DLG4: variants seen among roughly 807,000 people sequenced by gnomAD.
DLG4 encodes the protein disks large homolog 4.
In DLG4, 7 loss-of-function variants were observed where a neutral mutation model predicts 93.8. The ratio of observed to expected loss-of-function variants is 0.07; its 90% CI spans 0.04 to 0.14. The LOEUF (loss-of-function observed/expected upper bound fraction) is 0.14. DLG4 is among the 10% of genes least tolerant of loss of function. The pLI is 1.00. For synonymous variants in DLG4, 341 were observed against 387.6 expected, an observed-to-expected ratio of 0.88 and a Z score of 1.41; for missense variants, 545 against 992.9, an observed-to-expected ratio of 0.55 and a Z score of 6.06.
At position 7,203,340 on chromosome 17, in the gene DLG4, G is replaced by C. The variant is rs2070260618; in HGVS notation, c.506-11C>G. 1.9e-6 allele frequency: 3 copies of C among 1,592,876 alleles called. No homozygotes were observed. ...TGCTGAAGCCAAGACCTGGATGGAG[G>C]GGAGGCCAGAGGTGGGTGCCCAGGA... On this transcript the variant is annotated splice_polypyrimidine_tract_variant and intron_variant, in intron 6 of 19. Coordinates refer to ENST00000399506, the MANE Select transcript of DLG4 (RefSeq NM_001321075.3). This position sits in a 1 kb window ranked among gnomAD's most constrained non-coding sequence, Gnocchi z 7.2.
Position 7,187,560 on chromosome 17 carries a change from A to AATC in DLG4, c.*3147_*3148insGAT, listed in dbSNP as rs1309022226. On this transcript the variant is annotated 3_prime_UTR_variant, in exon 20 of 20. Transcript: ENST00000399506. Reference sequence around the variant, plus strand: ...AAACTCTGTCTCCAATAATAATAATAATAATAATAATAATAATACATGCAA... The same window carrying AATC: ...AAACTCTGTCTCCAATAATAATAATAATCATAATAATAATAATAATACATGCAA... 4.0e-5 allele frequency among the ~76,000 whole-genome samples: 6 copies of AATC among 150,790 alleles called. No individual in the cohort carries two copies. Among genetic ancestry groups the AATC allele is most frequent in the Admixed American group, 6.6e-5 (1 of 15,108 alleles).
chr17:7,219,001 C>T (rs2071064806), upstream of DLG4: 1 of 766,792 alleles, frequency 1.3e-6, no homozygotes, highest in Non-Finnish European at 2.2e-6. Flanking sequence ...GCACCGCCAC[C>T]ATCTTGCTCC....
chr17:7,201,716 A>G (rs894760435), intron 8 of DLG4, among the ~76,000 whole-genome samples: 3 of 152,090 alleles, frequency 2.0e-5, no homozygotes, highest in African/African-American at 7.2e-5. Flanking sequence ...CCCTGTCTCC[A>G]CTAAAACTAC....
chr17:7,194,569 CGGCCCAGAGGTCTGCAGAT>C lies in DLG4; in HGVS notation c.1302-93_1302-75del. ...AGGATGCCCCAGTCACCCAAAGACCCGGCCCAGAGGTCTGCAGATGGCACTCCCATGGGAGCTATGGATG... is the reference window on the plus strand; with the variant it reads ...AGGATGCCCCAGTCACCCAAAGACCCGGCACTCCCATGGGAGCTATGGATG... On this transcript the variant is annotated intron_variant, in intron 11 of 19. Coordinates refer to ENST00000399506, the MANE Select transcript of DLG4 (RefSeq NM_001321075.3). The surrounding 1 kb of genome is among the most constrained non-coding windows in gnomAD (Gnocchi z 4.4). 6.6e-7 allele frequency: 1 copy of C among 1,504,696 alleles called. No individual in the cohort carries two copies. Among genetic ancestry groups the C allele is most frequent in the South Asian group, 1.3e-5 (1 of 79,416 alleles). The allele number at this position is 1,504,696 out of a possible 1,614,324, so 93.2% of individuals were successfully genotyped here.
At chr17:7,209,373 G>A (rs2070620586) in intron 1 of DLG4, among the ~76,000 whole-genome samples, 1 of 152,170 alleles carries the variant, frequency 6.6e-6, no homozygotes, top group Non-Finnish European at 1.5e-5. Context: ...CTCTCCTCTG[G>A]AACGGGCCTC....
At chr17:7,205,109 C>G in intron 2 of DLG4, 1 of 985,542 alleles carries the variant, frequency 1.0e-6, no homozygotes, top group South Asian at 4.7e-5. Flanking sequence ...GGTTTGTGGG[C>G]GCAGCGCATC....
chr17:7,197,740 C>T (rs142980407), intron 8 of DLG4, among the ~76,000 whole-genome samples: 554 of 152,296 alleles, frequency 3.6e-3, no homozygotes, highest in Middle Eastern at 6.8e-3. Flanking sequence ...CCGCTTATGC[C>T]TCCCAAAGTG....
chr17:7,211,882 G>C (rs916843161), intron 1 of DLG4, among the ~76,000 whole-genome samples: 1 of 150,756 alleles, frequency 6.6e-6, no homozygotes, highest in Non-Finnish European at 1.5e-5. Flanking sequence ...TTGGGAGAGA[G>C]GGGTGAGGGG....
In DLG4 at chr17:7,197,067, G is replaced by A. The variant is rs762583460; in HGVS notation, c.788-15C>T. On this transcript the variant is annotated splice_polypyrimidine_tract_variant and intron_variant, in intron 8 of 19. Transcript: ENST00000399506. ...CTGGGAATAAGCTGAGGAAGACAGG[G>A]CAGAGATGAAAGTGCCTGGAGGGAA... is the stretch of plus-strand genomic sequence containing the variant. The A allele has an allele frequency of 5.0e-6, 8 of 1,589,384 alleles. No homozygotes were observed. The East Asian group carries it at 1.4e-4, about 27-fold the overall frequency.
chr17:7,196,570 G>A lies in DLG4; in HGVS notation c.1089C>T (p.Asn363=), dbSNP rs201725000. ...GGCTGGCATTTCGGAGGTCCACACCGTTGACCTAGAGAGAGGACGACAGGC... is the reference window on the plus strand; with the variant it reads ...GGCTGGCATTTCGGAGGTCCACACCATTGACCTAGAGAGAGGACGACAGGC... ...LRKGDQILSV[N]GVDLRNASHE... Residue 363 remains asparagine (N), a synonymous_variant, in exon 10 of 20, where the codon AAC becomes AAT. Coordinates refer to ENST00000399506, the MANE Select transcript of DLG4 (RefSeq NM_001321075.3). The surrounding 1 kb of genome is among the most constrained non-coding windows in gnomAD (Gnocchi z 8.3). The A allele has an allele frequency of 3.1e-5, 50 of 1,614,002 alleles. No homozygotes were observed. Among genetic ancestry groups the A allele is most frequent in the Middle Eastern group, 1.6e-4 (1 of 6,062 alleles).
chr17:7,188,030 A>G lies in DLG4; in HGVS notation c.*2678T>C, dbSNP rs1448885723. On this transcript the variant is annotated 3_prime_UTR_variant, in exon 20 of 20. Transcript: ENST00000399506. ...GGTTGCAGTGAGCCGAGATCGCGCC[A>G]TTGCACTCCAGCTTGGGCAACAAAA... Among the ~76,000 whole-genome samples, 2 of 150,360 alleles carry G rather than the reference A, an allele frequency of 1.3e-5. No individual in the cohort carries two copies. The highest frequency in any genetic ancestry group is 2.9e-5 in the Non-Finnish European group (2 of 67,838).
chr17:7,217,693 G>A (rs1273091722), upstream of DLG4: 1 of 1,530,586 alleles, frequency 6.5e-7, no homozygotes, highest in Non-Finnish European at 8.7e-7. Context: ...CCTTGGCAGA[G>A]TTAACTCCTT....
At position 7,196,648 on chromosome 17, in the gene DLG4, T is replaced by TGGTC; in HGVS notation, c.1084-77_1084-74dup. 5.6e-6 allele frequency: 9 copies of TGGTC among 1,595,486 alleles called. No homozygotes were observed. Among genetic ancestry groups the TGGTC allele is most frequent in the Non-Finnish European group, 7.7e-6 (9 of 1,168,446 alleles). On this transcript the variant is annotated intron_variant, in intron 9 of 19. Transcript: ENST00000399506. This position sits in a 1 kb window ranked among gnomAD's most constrained non-coding sequence, Gnocchi z 8.3. ...TTCTGGGTCCAGGTGGAGCAGGGAGTGGTCCCGCAAGAGGACTCGGCTGCA... is the reference window on the plus strand; with the variant it reads ...TTCTGGGTCCAGGTGGAGCAGGGAGTGGTCGGTCCCGCAAGAGGACTCGGCTGCA...
intron 1 of DLG4, among the ~76,000 whole-genome samples, chr17:7,210,267 T>C (rs1476961142): frequency 2.6e-5 from 4 of 152,114 alleles, no homozygotes; most frequent in African/African-American, 9.7e-5. Flanking sequence ...AGTAAGAGAA[T>C]GGGAGAAGGG....
chr17:7,210,296 G>A (rs1022232580), intron 1 of DLG4, among the ~76,000 whole-genome samples: 4 of 152,148 alleles, frequency 2.6e-5, no homozygotes, highest in Non-Finnish European at 5.9e-5. Flanking sequence ...CTGTCAGCAC[G>A]AAAACTCTCA....
Position 7,194,377 on chromosome 17 carries a change from G to A in DLG4, c.1420C>T (p.Arg474Trp). The A allele has an allele frequency of 1.2e-6, 2 of 1,612,694 alleles. No individual in the cohort carries two copies. Among genetic ancestry groups the A allele is most frequent in the Non-Finnish European group, 8.5e-7 (1 of 1,179,426 alleles). The change falls in exon 12 of 20, where the codon CGG becomes TGG. Residue 474 changes from arginine to tryptophan, a missense_variant. Coordinates refer to ENST00000399506, the MANE Select transcript of DLG4 (RefSeq NM_001321075.3). This position sits in a 1 kb window ranked among gnomAD's most constrained non-coding sequence, Gnocchi z 4.4. Reference protein sequence around the residue: ...DASDEEWWQARRVHSDSETDD... With the variant: ...DASDEEWWQAWRVHSDSETDD... ...GTCTCACTGTCAGAGTGGACCCGCC[G>A]TGCCTGCCACCACTCCTCATCACTA...
Position 7,194,115 on chromosome 17 carries a change from C to A in DLG4, c.1479-115G>T. The A allele has an allele frequency of 7.1e-7, 1 of 1,412,782 alleles. No homozygotes were observed. The highest frequency in any genetic ancestry group is 2.5e-5 in the East Asian group (1 of 40,460). 87.5% of individuals were successfully genotyped at this position (1,412,782 alleles called of 1,614,324 possible). A position where few individuals can be genotyped will look rare whatever the true frequency, so the allele number is the denominator to read the frequency against. Reference sequence around the variant, plus strand: ...TACTCTGGGCCAGCTGACACCCCTTCTCCTGCAGCCCTGGACACTGTGCTC... The same window carrying A: ...TACTCTGGGCCAGCTGACACCCCTTATCCTGCAGCCCTGGACACTGTGCTC... On this transcript the variant is annotated intron_variant, in intron 12 of 19. Coordinates refer to ENST00000399506, the MANE Select transcript of DLG4 (RefSeq NM_001321075.3). The surrounding 1 kb of genome is among the most constrained non-coding windows in gnomAD (Gnocchi z 4.4).
rs1174657071 is a variant in DLG4, at chr17:7,217,226, A to C, written c.-79T>G. On this transcript the variant is annotated 5_prime_UTR_variant, in exon 1 of 20. Transcript: ENST00000399506. The stretch of plus-strand genomic sequence containing the variant: ...TCGTTCCTCCCCTCCGTGGGTTCTC[A>C]CCCCTCCCCCCTCCGCACCCCACTT... 54 of 1,202,088 alleles carry C rather than the reference A, an allele frequency of 4.5e-5. No homozygotes were observed. Among genetic ancestry groups the C allele is most frequent in the Middle Eastern group, 3.3e-4 (1 of 3,004 alleles). 74.5% of individuals were successfully genotyped at this position (1,202,088 alleles called of 1,614,324 possible).
intron 8 of DLG4, among the ~76,000 whole-genome samples, chr17:7,202,483 C>T (rs2070194551): frequency 6.6e-6 from 1 of 152,192 alleles, no homozygotes; most frequent in Admixed American, 6.5e-5. Context: ...TGCTTTGCTA[C>T]TATATTATTG....
Sources: allele counts gnomAD v4.1 joint callset (sites outside exome capture counted in the v4.1 genomes callset), GRCh38; gene constraint gnomAD v4.1.1; non-coding constraint Gnocchi (gnomAD v3.1); transcripts MANE v1.5; gene names NCBI Gene and HGNC (gene_info 2026-07-23, HGNC 2026-07-21).